Variants in CYP7B1 observed in about 807,000 individuals in gnomAD.
The protein encoded by CYP7B1 is cytochrome P450 7B1.
CYP7B1 carries 29 observed loss-of-function variants against 42.7 expected under a neutral mutation model. That is an observed-to-expected ratio of 0.68 (90% CI 0.51 to 0.93). The LOEUF (loss-of-function observed/expected upper bound fraction) is 0.93. Among genes scored for constraint, CYP7B1 ranks in the 40% least tolerant of loss-of-function variants. The pLI, the probability that CYP7B1 is intolerant of heterozygous loss-of-function variation, is 0.00. For synonymous variants in CYP7B1, 235 were observed against 218.2 expected (o/e 1.08, Z -0.68); for missense variants, 655 against 600.5 (o/e 1.09, Z -0.95).
rs1177372113 is a variant in CYP7B1 at position 64,773,735 on chromosome 8, G to T, written c.122+24731C>A. Among the ~76,000 whole-genome samples, 8 of 152,182 alleles carry T rather than the reference G, an allele frequency of 5.3e-5. No individual in the cohort carries two copies. The East Asian group carries it at 1.5e-3, about 29-fold the overall frequency. ...GGAGGCTGAGAATTCTATCAGCATG[G>T]CAATGGTATCTGGTAAGGGCCTTCT... On this transcript the variant is annotated intron_variant, in intron 1 of 5. Coordinates refer to ENST00000310193, the MANE Select transcript of CYP7B1 (RefSeq NM_004820.5).
Position 64,775,152 on chromosome 8 carries a change from TAA to T in CYP7B1, c.122+23312_122+23313del, listed in dbSNP as rs140515279. On this transcript the variant is annotated intron_variant, in intron 1 of 5. Coordinates refer to ENST00000310193, the MANE Select transcript of CYP7B1 (RefSeq NM_004820.5). ...AAATATCCTTAGTAAATAAATTCCATAAAAAAAAACACTCTAATTCTCTGAAA... is the reference window on the plus strand; with the variant it reads ...AAATATCCTTAGTAAATAAATTCCATAAAAAAACACTCTAATTCTCTGAAA... Among the ~76,000 whole-genome samples, 638 of 150,828 alleles carry T rather than the reference TAA, an allele frequency of 4.2e-3. 2 individuals are homozygous for T. The highest frequency in any genetic ancestry group is 0.015 in the African/African-American group (602 of 41,250).
intron 1 of CYP7B1, among the ~76,000 whole-genome samples, chr8:64,780,898 C>T (rs1053835144): frequency 1.3e-5 from 2 of 152,090 alleles, no homozygotes; most frequent in Admixed American, 6.6e-5. Flanking sequence ...TAGGTATGCA[C>T]CGGGTTTGGG....
At chr8:64,646,892 AT>A (rs1285616770) in intron 1 of CYP7B1, among the ~76,000 whole-genome samples, 1 of 152,210 alleles carries the variant, frequency 6.6e-6, no homozygotes, top group Admixed American at 6.5e-5. Flanking sequence ...CTGAAGTAAC[AT>A]TTGTAATTCC....
intron 1 of CYP7B1, among the ~76,000 whole-genome samples, chr8:64,661,354 T>G (rs995391378): frequency 2.6e-5 from 4 of 152,210 alleles, no homozygotes; most frequent in African/African-American, 9.6e-5. Context: ...ATCTTCCATA[T>G]AAGGCCAACT....
chr8:64,713,181 T>C (rs1313942047), intron 1 of CYP7B1, among the ~76,000 whole-genome samples: 2 of 152,198 alleles, frequency 1.3e-5, no homozygotes, highest in African/African-American at 4.8e-5. Context: ...TCAAATGATC[T>C]GTTTCCAGAC....
chr8:64,648,036 A>T (rs1008651053), intron 1 of CYP7B1, among the ~76,000 whole-genome samples: 2 of 152,170 alleles, frequency 1.3e-5, no homozygotes, highest in African/African-American at 4.8e-5. Context: ...TCAAGCAATT[A>T]CTCTATACTC....
At chr8:64,673,714 T>C (rs188517826) in intron 1 of CYP7B1, among the ~76,000 whole-genome samples, 1 of 152,204 alleles carries the variant, frequency 6.6e-6, no homozygotes, top group East Asian at 1.9e-4. Context: ...TTCTTAACCA[T>C]AATAAACGGG....
intron 1 of CYP7B1, among the ~76,000 whole-genome samples, chr8:64,662,021 C>T (rs1806206002): frequency 6.6e-6 from 1 of 151,902 alleles, no homozygotes; most frequent in Non-Finnish European, 1.5e-5. Context: ...AAGGCATGGC[C>T]CTAGCTTCCT....
intron 1 of CYP7B1, among the ~76,000 whole-genome samples, chr8:64,752,215 G>A (rs898399930): frequency 2.0e-5 from 3 of 151,938 alleles, no homozygotes; most frequent in African/African-American, 7.3e-5. Flanking sequence ...AAGGTTCCAG[G>A]TGCTGTAAGC....
chr8:64,788,473 G>A (rs1313458645), intron 1 of CYP7B1, among the ~76,000 whole-genome samples: 2 of 152,134 alleles, frequency 1.3e-5, no homozygotes, highest in East Asian at 1.9e-4. Flanking sequence ...TCCCAGAGCT[G>A]TGCACCTGAG....
chr8:64,662,266 G>A (rs937561253), intron 1 of CYP7B1, among the ~76,000 whole-genome samples: 9 of 152,162 alleles, frequency 5.9e-5, no homozygotes, highest in African/African-American at 2.2e-4. Context: ...CTGGGAGGTC[G>A]AGGCTGCGGT....
At chr8:64,734,898 G>A (rs924970110) in intron 1 of CYP7B1, among the ~76,000 whole-genome samples, 1 of 152,110 alleles carries the variant, frequency 6.6e-6, no homozygotes, top group Admixed American at 6.5e-5. Context: ...AACTCATTTG[G>A]TTTTTACCAA....
chr8:64,599,263 A>ACTGCAAGCT (rs1321306431), intron 5 of CYP7B1, among the ~76,000 whole-genome samples: 1 of 151,760 alleles, frequency 6.6e-6, no homozygotes, highest in African/African-American at 2.4e-5. Flanking sequence ...ATCTCGGCTC[A>ACTGCAAGCT]CTGCAAGCTC....
intron 1 of CYP7B1, among the ~76,000 whole-genome samples, chr8:64,788,989 C>T (rs1359266596): frequency 2.0e-5 from 3 of 151,770 alleles, no homozygotes; most frequent in Non-Finnish European, 2.9e-5. Flanking sequence ...GGTGTGATCT[C>T]GGCTCACTGC....
At chr8:64,737,359 A>G (rs1445359966) in intron 1 of CYP7B1, among the ~76,000 whole-genome samples, 1 of 152,226 alleles carries the variant, frequency 6.6e-6, no homozygotes, top group Non-Finnish European at 1.5e-5. Context: ...CAAAAGAAAC[A>G]GCTACATTGG....
At chr8:64,765,033 A>C (rs146120233) in intron 1 of CYP7B1, among the ~76,000 whole-genome samples, 1,919 of 152,226 alleles carry the variant, frequency 0.013, 20 homozygotes, top group South Asian at 0.028. Flanking sequence ...CTCTTGTAGA[A>C]GCAGAGTTAG....
At chr8:64,675,635 A>G (rs913443390) in intron 1 of CYP7B1, among the ~76,000 whole-genome samples, 1 of 152,132 alleles carries the variant, frequency 6.6e-6, no homozygotes, top group African/African-American at 2.4e-5. Flanking sequence ...TGATTCTGTC[A>G]TATAGAAGAA....
chr8:64,766,600 A>T (rs1449665870), intron 1 of CYP7B1, among the ~76,000 whole-genome samples: 1 of 152,046 alleles, frequency 6.6e-6, no homozygotes, highest in Admixed American at 6.5e-5. Context: ...AGGCTGGGCA[A>T]CTCGAATGCC....
chr8:64,689,061 TTTC>T (rs1430985248), intron 1 of CYP7B1, among the ~76,000 whole-genome samples: 2 of 152,278 alleles, frequency 1.3e-5, no homozygotes, highest in African/African-American at 2.4e-5. Flanking sequence ...TAGATGTGTC[TTTC>T]TTTACTTTTA....
Sources: gnomAD v4.1 joint callset for allele counts (sites outside exome capture counted in the v4.1 genomes callset) on GRCh38, gnomAD v4.1.1 for gene constraint, MANE v1.5 for transcripts, NCBI Gene and HGNC (gene_info 2026-07-23, HGNC 2026-07-21) for gene names.